Variants in KLHDC1 observed in about 807,000 individuals in gnomAD.
KLHDC1 encodes kelch domain containing 1.
Under a neutral mutation model 68.3 loss-of-function variants are expected in KLHDC1, and 53 were observed. That is an observed-to-expected ratio of 0.78 (90% CI 0.62 to 0.98). The LOEUF is 0.98. KLHDC1 is among the 50% of genes least tolerant of loss of function. The probability of loss-of-function intolerance (pLI) is 0.00; values close to 1 mark genes in which losing one functional copy is unlikely to be tolerated. For synonymous variants in KLHDC1, 148 were observed against 159.0 expected (o/e 0.93, Z 0.52); for missense variants, 470 against 492.3 (o/e 0.95, Z 0.43).
Position 49,723,960 on chromosome 14 carries a change from A to G in KLHDC1, c.483+8A>G. The G allele has an allele frequency of 6.5e-7, 1 of 1,538,392 alleles. No homozygotes were observed. Among genetic ancestry groups the G allele is most frequent in the Non-Finnish European group, 9.0e-7 (1 of 1,116,768 alleles). On this transcript the variant is annotated splice_region_variant and intron_variant, in intron 5 of 12. Coordinates refer to ENST00000359332, the MANE Select transcript of KLHDC1 (RefSeq NM_172193.3). The stretch of plus-strand genomic sequence containing the variant: ...GTTCATGATGCATCTTGGGTAAGAT[A>G]GTAATCACTGTTTACATTTTCCTCC...
intron 4 of KLHDC1, among the ~76,000 whole-genome samples, 180 bp from the exon 5 acceptor site, chr14:49,723,694 T>A (rs546596701): frequency 6.6e-6 from 1 of 152,300 alleles, no homozygotes; most frequent in South Asian, 2.1e-4. Flanking sequence ...TCTTTCCCAT[T>A]GAGAGCTCAT....
intron 4 of KLHDC1, among the ~76,000 whole-genome samples, chr14:49,717,004 TTAACA>T (rs768855043): frequency 2.0e-4 from 31 of 152,372 alleles, no homozygotes; most frequent in Middle Eastern, 6.8e-3. Context: ...CTTATTTCAC[TTAACA>T]TAACGTTTTC....
chr14:49,730,263 A>C (rs1888770461), intron 8 of KLHDC1, among the ~76,000 whole-genome samples: 1 of 131,344 alleles, frequency 7.6e-6, no homozygotes, highest in South Asian at 2.6e-4. Flanking sequence ...TTGCTCTGTC[A>C]CCAGGCTGGA....
chr14:49,738,959 A>G (rs915154263), intron 10 of KLHDC1, among the ~76,000 whole-genome samples: 1 of 152,222 alleles, frequency 6.6e-6, no homozygotes, highest in African/African-American at 2.4e-5. Context: ...CACTGTGACA[A>G]TTTCTTAACT....
chr14:49,702,228 A>G (rs573317791), intron 1 of KLHDC1, among the ~76,000 whole-genome samples: 1 of 152,016 alleles, frequency 6.6e-6, no homozygotes, highest in African/African-American at 2.4e-5. Flanking sequence ...GATAAGTGCA[A>G]TTTACAAAAT....
Position 49,709,831 on chromosome 14 carries a change from T to C in KLHDC1, c.285+5T>C, listed in dbSNP as rs2139738341. On this transcript the variant is annotated splice_donor_5th_base_variant and intron_variant, in intron 3 of 12. Transcript: ENST00000359332. ...GACAAAGGATACAGCAATCGAGTAATAATTTCTTTAATTCAAGAGTGCAGC... is the reference window on the plus strand; with the variant it reads ...GACAAAGGATACAGCAATCGAGTAACAATTTCTTTAATTCAAGAGTGCAGC... 1 of 1,430,344 alleles carries C rather than the reference T, an allele frequency of 7.0e-7. No homozygotes were observed. Among genetic ancestry groups the C allele is most frequent in the Non-Finnish European group, 9.6e-7 (1 of 1,038,212 alleles). The allele number at this position is 1,430,344 out of a possible 1,614,324, so 88.6% of individuals were successfully genotyped here.
chr14:49,722,815 A>G (rs1398788567), intron 4 of KLHDC1, among the ~76,000 whole-genome samples: 1 of 152,174 alleles, frequency 6.6e-6, no homozygotes, highest in Non-Finnish European at 1.5e-5. Context: ...CAGCGGGTGC[A>G]GTGGCTCACG....
intron 9 of KLHDC1, among the ~76,000 whole-genome samples, chr14:49,733,923 TAGG>T (rs963394454): frequency 2.0e-5 from 3 of 152,204 alleles, no homozygotes; most frequent in African/African-American, 4.8e-5. Flanking sequence ...CAGTTCCTAG[TAGG>T]AGATGTTAGT....
At chr14:49,733,430 CT>C (rs763516095) in intron 9 of KLHDC1, among the ~76,000 whole-genome samples, 200 of 138,660 alleles carry the variant, frequency 1.4e-3, no homozygotes, top group African/African-American at 1.8e-3. Flanking sequence ...ATTTTCTTTT[CT>C]TTTTTTTTTT....
At chr14:49,697,723 A>C (rs1181667655) in intron 1 of KLHDC1, among the ~76,000 whole-genome samples, 2 of 152,242 alleles carry the variant, frequency 1.3e-5, no homozygotes, top group African/African-American at 4.8e-5. Context: ...AATTTGGTTC[A>C]GTACCAGTAG....
At chr14:49,716,573 G>A (rs11846155) in intron 4 of KLHDC1, among the ~76,000 whole-genome samples, 2,161 of 151,932 alleles carry the variant, frequency 0.014, 49 homozygotes, top group African/African-American at 0.05. Context: ...TAGTAGAGGC[G>A]GGGTTTCACC....
intron 1 of KLHDC1, among the ~76,000 whole-genome samples, chr14:49,707,930 A>T (rs2139736611): frequency 6.6e-6 from 1 of 151,470 alleles, no homozygotes; most frequent in South Asian, 2.1e-4. Context: ...TGCTGGGATT[A>T]CAGGAATGAG....
chr14:49,735,752 A>G (rs535041380), intron 10 of KLHDC1, among the ~76,000 whole-genome samples: 7 of 152,208 alleles, frequency 4.6e-5, no homozygotes, highest in African/African-American at 1.7e-4. Flanking sequence ...GCTCACGCCT[A>G]TTAATCCCAG....
chr14:49,728,457 ACTT>A (rs1463052848), intron 6 of KLHDC1, among the ~76,000 whole-genome samples: 2 of 152,248 alleles, frequency 1.3e-5, no homozygotes, highest in East Asian at 1.9e-4. Context: ...CCAAGAGTGA[ACTT>A]CTTATTGTAA....
At position 49,693,289 on chromosome 14, in the gene KLHDC1, T is replaced by G. The variant is rs1198914379; in HGVS notation, c.95T>G (p.Val32Gly). ...TTCCTCTACGTGTGGGGGGGCTACG[T>G]GGTAAGGGGAAGAGGCGGGACGGGG... ...GNFLYVWGGY[V>G]SIEDNEVYLP... The change falls in exon 1 of 13, where the codon GTG becomes GGG. Residue 32 changes from valine (V) to glycine (G), a missense_variant and splice_region_variant. Transcript: ENST00000359332. The G allele has an allele frequency of 6.5e-7, 1 of 1,540,900 alleles. No homozygotes were observed. The highest frequency in any genetic ancestry group is 1.2e-5 in the South Asian group (1 of 83,288).
chr14:49,694,323 C>A (rs1475096163), intron 1 of KLHDC1, among the ~76,000 whole-genome samples: 1 of 152,046 alleles, frequency 6.6e-6, no homozygotes, highest in African/African-American at 2.4e-5. Flanking sequence ...TCTGGAAGTT[C>A]TACTGATAGT....
In KLHDC1 at chr14:49,709,793, TGGA is replaced by T; in HGVS notation, c.256_258del (p.Gly86del). ...GCATTAATGGAAAGCTGTACATTTT[TGGA>T]GGATATGATGACAAAGGATACAGCA... On this transcript the variant is annotated inframe_deletion, in exon 3 of 13. Coordinates refer to ENST00000359332, the MANE Select transcript of KLHDC1 (RefSeq NM_172193.3). 1 of 1,601,020 alleles carries T rather than the reference TGGA, an allele frequency of 6.2e-7. No individual in the cohort carries two copies. Among genetic ancestry groups the T allele is most frequent in the Non-Finnish European group, 8.5e-7 (1 of 1,173,810 alleles).
At chr14:49,728,894 T>G in intron 6 of KLHDC1, 32 bp from the exon 7 acceptor site, 1 of 1,450,004 alleles carries the variant, frequency 6.9e-7, no homozygotes, top group South Asian at 1.1e-5. Flanking sequence ...ATATTTCAAG[T>G]CTTTGCAGTC....
At chr14:49,728,430 G>A (rs149683820) in intron 6 of KLHDC1, among the ~76,000 whole-genome samples, 9 of 152,372 alleles carry the variant, frequency 5.9e-5, no homozygotes, top group African/African-American at 1.4e-4. Flanking sequence ...AAGAGAGAGA[G>A]CACTGTCTGG....
Sources: gnomAD v4.1 joint callset for allele counts (sites outside exome capture counted in the v4.1 genomes callset) on GRCh38, gnomAD v4.1.1 for gene constraint, MANE v1.5 for transcripts, NCBI Gene and HGNC (gene_info 2026-07-23, HGNC 2026-07-21) for gene names.